ST3GAL5: variants seen among roughly 807,000 people sequenced by gnomAD.
The protein encoded by ST3GAL5 is ST3 beta-galactoside alpha-2,3-sialyltransferase 5.
In ST3GAL5, 25 loss-of-function variants were observed where a neutral mutation model predicts 46.1. The ratio of observed to expected loss-of-function variants is 0.54; its 90% CI spans 0.40 to 0.76. ST3GAL5 has a LOEUF of 0.76. Among genes scored for constraint, ST3GAL5 ranks in the 30% least tolerant of loss-of-function variants. ST3GAL5 has a pLI of 0.00. For synonymous variants in ST3GAL5, 182 were observed against 192.7 expected (o/e 0.94, Z 0.46); for missense variants, 431 against 521.2 (o/e 0.83, Z 1.69).
At chr2:85,868,986 G>A (rs1282312162) in intron 1 of ST3GAL5, among the ~76,000 whole-genome samples, 1 of 152,048 alleles carries the variant, frequency 6.6e-6, no homozygotes, top group African/African-American at 2.4e-5. Flanking sequence ...GTAGCCATAG[G>A]TAATTATAGG....
rs1016683162 is a variant in ST3GAL5, at chr2:85,851,871, T to C, written c.319-3667A>G. On this transcript the variant is annotated intron_variant, in intron 3 of 6. Coordinates refer to ENST00000638572, the MANE Select transcript of ST3GAL5 (RefSeq NM_003896.4). ...AAAATACAAGAACTCCCGTTCGTCT[T>C]ATATCCAGGGACAAAAATAAAGGTT... 2.0e-5 allele frequency among the ~76,000 whole-genome samples: 3 copies of C among 152,232 alleles called. No homozygotes were observed. The East Asian group carries it at 5.8e-4, about 29-fold the overall frequency.
chr2:85,873,745 C>T (rs111908439), intron 1 of ST3GAL5, among the ~76,000 whole-genome samples: 1 of 152,150 alleles, frequency 6.6e-6, no homozygotes. Context: ...AGGCCTGACG[C>T]CCCAGGAGGG....
Position 85,838,846 on chromosome 2 carries a change from G to C in ST3GAL5, c.*1298C>G, listed in dbSNP as rs1020482185. The stretch of plus-strand genomic sequence containing the variant: ...CACAGAGTGGAGAACAGCGATGGCG[G>C]CAGCCGAGTCTGGGGCAGGCTGGGA... On this transcript the variant is annotated 3_prime_UTR_variant, in exon 7 of 7. Coordinates refer to ENST00000638572, the MANE Select transcript of ST3GAL5 (RefSeq NM_003896.4). The C allele has an allele frequency of 3.9e-5, 6 of 152,374 alleles. No homozygotes were observed. Among genetic ancestry groups the C allele is most frequent in the African/African-American group, 1.4e-4 (6 of 41,466 alleles). The allele number at this position is 152,374 out of a possible 1,614,324, so 9.4% of individuals were successfully genotyped here.
intron 3 of ST3GAL5, chr2:85,852,957 T>G: frequency 7.7e-7 from 1 of 1,304,250 alleles, no homozygotes; most frequent in Non-Finnish European, 1.0e-6. Flanking sequence ...CACTGAATGC[T>G]TCAGCAGGGA....
intron 1 of ST3GAL5, among the ~76,000 whole-genome samples, chr2:85,866,580 A>T (rs1685310487): frequency 6.6e-6 from 1 of 152,288 alleles, no homozygotes; most frequent in Non-Finnish European, 1.5e-5. Flanking sequence ...TTTGCACAGG[A>T]TGTGCTCACA....
chr2:85,888,599 C>A (rs1688038632), intron 1 of ST3GAL5: 4 of 281,462 alleles, frequency 1.4e-5, no homozygotes, highest in Non-Finnish European at 1.3e-5. Context: ...CCCTCTACCG[C>A]GTACACACCT....
In ST3GAL5 at chr2:85,840,023, T is replaced by C. The variant is rs145990684; in HGVS notation, c.*121A>G. The C allele has an allele frequency of 4.7e-6, 7 of 1,479,312 alleles. No individual in the cohort carries two copies. The Admixed American group carries it at 6.2e-5, about 13-fold the overall frequency. The allele number at this position is 1,479,312 out of a possible 1,614,324, so 91.6% of individuals were successfully genotyped here. A position where few individuals can be genotyped will look rare whatever the true frequency, so the allele number is the denominator to read the frequency against. ...CTAAAATTTTTTTTGTGTTTTTAAATTAAAAGTTAAAAACATGAGCTGCAC... is the reference window on the plus strand; with the variant it reads ...CTAAAATTTTTTTTGTGTTTTTAAACTAAAAGTTAAAAACATGAGCTGCAC... On this transcript the variant is annotated 3_prime_UTR_variant, in exon 7 of 7. Transcript: ENST00000638572.
chr2:85,859,491 C>T (rs1033054442), intron 3 of ST3GAL5, among the ~76,000 whole-genome samples: 2 of 152,282 alleles, frequency 1.3e-5, no homozygotes, highest in Admixed American at 1.3e-4. Context: ...GCAGAGGGTA[C>T]TGGACACATC....
Position 85,861,303 on chromosome 2 carries a change from A to T in ST3GAL5, c.207-11T>A. 1 of 1,521,722 alleles carries T rather than the reference A, an allele frequency of 6.6e-7. No individual in the cohort carries two copies. The highest frequency in any genetic ancestry group is 9.1e-7 in the Non-Finnish European group (1 of 1,096,386). 94.3% of individuals were successfully genotyped at this position (1,521,722 alleles called of 1,614,324 possible). A position where few individuals can be genotyped will look rare whatever the true frequency, so the allele number is the denominator to read the frequency against. ...ACAAGCAATGTACATCTGGAAAAAA[A>T]TCAATTAGGTATTATGATGTAGTCA... On this transcript the variant is annotated splice_polypyrimidine_tract_variant and intron_variant, in intron 2 of 6. Transcript: ENST00000638572.
intron 2 of ST3GAL5, among the ~76,000 whole-genome samples, chr2:85,862,084 G>C (rs902374304): frequency 6.6e-6 from 1 of 151,942 alleles, no homozygotes; most frequent in Non-Finnish European, 1.5e-5. Flanking sequence ...ATACATAATA[G>C]ATGCAAAATA....
intron 1 of ST3GAL5, among the ~76,000 whole-genome samples, chr2:85,886,536 T>C (rs1287529751): frequency 6.6e-6 from 1 of 151,936 alleles, no homozygotes; most frequent in Non-Finnish European, 1.5e-5. Flanking sequence ...GTATCTATGC[T>C]ATACTTAAAA....
At chr2:85,850,944 T>G (rs1683434419) in intron 3 of ST3GAL5, 1 of 148,546 alleles carries the variant, frequency 6.7e-6, no homozygotes, top group African/African-American at 2.5e-5. Context: ...TGAGACAGAG[T>G]CTCGCTCTGT....
In ST3GAL5 at chr2:85,867,527, T is replaced by C. The variant is rs1260110017; in HGVS notation, c.83-4042A>G. The C allele has an allele frequency of 7.7e-5, 60 of 777,376 alleles. No homozygotes were observed. In the East Asian group the frequency reaches 1.2e-3, roughly 15 times the overall value. The allele number at this position is 777,376 out of a possible 1,614,324, so 48.2% of individuals were successfully genotyped here. A position where few individuals can be genotyped will look rare whatever the true frequency, so the allele number is the denominator to read the frequency against. On this transcript the variant is annotated intron_variant, in intron 1 of 6. Coordinates refer to ENST00000638572, the MANE Select transcript of ST3GAL5 (RefSeq NM_003896.4). ...ATGTGCTCTGTGGTGGGCAGGCATA[T>C]GCAAACCCACCCCCAAAGGCCAAGG...
chr2:85,875,046 A>G (rs1686375704), intron 1 of ST3GAL5, among the ~76,000 whole-genome samples: 1 of 152,004 alleles, frequency 6.6e-6, no homozygotes, highest in African/African-American at 2.4e-5. Context: ...CATGGAAGAA[A>G]ATGGCAAACG....
chr2:85,857,169 T>C (rs1684226140), intron 3 of ST3GAL5, among the ~76,000 whole-genome samples: 1 of 145,956 alleles, frequency 6.9e-6, no homozygotes, highest in Non-Finnish European at 1.5e-5. Flanking sequence ...TGCTTGAGCC[T>C]GGGAAGTTGA....
At chr2:85,854,582 C>T (rs1454400286) in intron 3 of ST3GAL5, 1 of 152,212 alleles carries the variant, frequency 6.6e-6, no homozygotes, top group Non-Finnish European at 1.5e-5. Context: ...CACATTAAAC[C>T]TAAGGTGCAT....
Position 85,862,576 on chromosome 2 carries a change from G to C in ST3GAL5, c.206+786C>G, listed in dbSNP as rs549423698. Among the ~76,000 whole-genome samples, 138 of 152,270 alleles carry C rather than the reference G, an allele frequency of 9.1e-4. 2 individuals carry two copies. The highest frequency in any genetic ancestry group is 1.7e-3 in the Non-Finnish European group (114 of 68,020). On this transcript the variant is annotated intron_variant, in intron 2 of 6. Transcript: ENST00000638572. ...CATATCAGACTGTGCCTTAATTCCT[G>C]GAGCGAGTCCACCTCACCCACAGCC...
chr2:85,843,783 C>T (rs917134882), intron 6 of ST3GAL5, among the ~76,000 whole-genome samples: 1 of 152,174 alleles, frequency 6.6e-6, no homozygotes, highest in Non-Finnish European at 1.5e-5. Flanking sequence ...ATCTCTACTG[C>T]AATAAACAGC....
chr2:85,869,494 A>C (rs774258339), intron 1 of ST3GAL5, among the ~76,000 whole-genome samples: 1 of 152,068 alleles, frequency 6.6e-6, no homozygotes, highest in African/African-American at 2.4e-5. Flanking sequence ...TTGAAATTTA[A>C]GCTATGAAAA....
Sources: allele counts gnomAD v4.1 joint callset (sites outside exome capture counted in the v4.1 genomes callset), GRCh38; gene constraint gnomAD v4.1.1; transcripts MANE v1.5; gene names NCBI Gene and HGNC (gene_info 2026-07-23, HGNC 2026-07-21).